LUZP2: variants seen among roughly 807,000 people sequenced by gnomAD.
The protein encoded by LUZP2 is leucine zipper protein 2.
LUZP2 carries 52 observed loss-of-function variants against 51.6 expected under a neutral mutation model. That is an observed-to-expected ratio of 1.01 (90% CI 0.81 to 1.27). The LOEUF (loss-of-function observed/expected upper bound fraction) is 1.27. Among genes scored for constraint, LUZP2 ranks in the 50% most tolerant of loss-of-function variants. The probability of loss-of-function intolerance (pLI) is 0.00; values close to 1 mark genes in which losing one functional copy is unlikely to be tolerated. For missense variants in LUZP2, 436 were observed against 395.4 expected (o/e 1.10, Z -0.87); for synonymous variants, 154 against 137.3 (o/e 1.12, Z -0.85).
chr11:24,575,427 C>T (rs1852611557), intron 1 of LUZP2, among the ~76,000 whole-genome samples: 1 of 152,086 alleles, frequency 6.6e-6, no homozygotes, highest in South Asian at 2.1e-4. Flanking sequence ...TAACAATAAG[C>T]TCACTTAATG....
At chr11:24,874,266 C>A (rs1043125909) in intron 5 of LUZP2, among the ~76,000 whole-genome samples, 1 of 152,130 alleles carries the variant, frequency 6.6e-6, no homozygotes, top group Non-Finnish European at 1.5e-5. Context: ...TCGAGGGCCC[C>A]TGTCAGGTTC....
At chr11:25,017,148 A>G (rs751631903) in intron 9 of LUZP2, among the ~76,000 whole-genome samples, 6 of 152,036 alleles carry the variant, frequency 3.9e-5, no homozygotes, top group East Asian at 1.9e-4. Context: ...GATTTGTTTA[A>G]GTTCCTTGTA....
intron 9 of LUZP2, among the ~76,000 whole-genome samples, chr11:25,013,086 C>T (rs1857028811): frequency 6.6e-6 from 1 of 152,036 alleles, no homozygotes; most frequent in Non-Finnish European, 1.5e-5. Flanking sequence ...ATGGATGAAA[C>T]CGGTTGTCAT....
At chr11:24,815,975 A>G (rs529169637) in intron 5 of LUZP2, among the ~76,000 whole-genome samples, 1 of 145,968 alleles carries the variant, frequency 6.9e-6, no homozygotes, top group East Asian at 2.1e-4. Context: ...GTATTAGTGC[A>G]TCTCTTTCAT....
chr11:24,925,266 A>G (rs537958896), intron 7 of LUZP2, among the ~76,000 whole-genome samples: 2 of 152,236 alleles, frequency 1.3e-5, no homozygotes, highest in East Asian at 1.9e-4. Flanking sequence ...AAGAGAGGAT[A>G]ATGAGGCATG....
intron 9 of LUZP2, among the ~76,000 whole-genome samples, chr11:25,027,863 C>T (rs561884636): frequency 1.2e-5 from 1 of 83,892 alleles, no homozygotes; most frequent in East Asian, 3.9e-4. Context: ...GAACGAAATT[C>T]CGTCTCAAAA....
chr11:24,641,693 C>T (rs1855289553), intron 1 of LUZP2, among the ~76,000 whole-genome samples: 1 of 151,820 alleles, frequency 6.6e-6, no homozygotes, highest in Admixed American at 6.6e-5. Flanking sequence ...CACCTTGCTA[C>T]TTCTAGCTTA....
At chr11:24,590,247 G>C (rs1403063151) in intron 1 of LUZP2, among the ~76,000 whole-genome samples, 10 of 152,058 alleles carry the variant, frequency 6.6e-5, no homozygotes, top group Non-Finnish European at 1.5e-5. Flanking sequence ...TATAAATAAT[G>C]CCTATCAAGT....
chr11:24,733,826 A>G (rs1380782378), intron 3 of LUZP2, among the ~76,000 whole-genome samples: 1 of 151,776 alleles, frequency 6.6e-6, no homozygotes, highest in Admixed American at 6.6e-5. Flanking sequence ...ATCTCAGGTT[A>G]GGAATGGAGA....
chr11:25,051,759 G>A (rs191991151), intron 10 of LUZP2, among the ~76,000 whole-genome samples: 7 of 152,226 alleles, frequency 4.6e-5, no homozygotes, highest in Admixed American at 4.6e-4. Context: ...TAAGGATGGT[G>A]TTTTTATTTC....
chr11:24,858,016 T>C (rs190117279), intron 5 of LUZP2, among the ~76,000 whole-genome samples: 1 of 152,248 alleles, frequency 6.6e-6, no homozygotes, highest in African/African-American at 2.4e-5. Context: ...TTTTTATTTT[T>C]TAATCTGGGA....
chr11:24,931,095 C>A (rs1854433194), intron 7 of LUZP2, among the ~76,000 whole-genome samples: 1 of 151,856 alleles, frequency 6.6e-6, no homozygotes, highest in African/African-American at 2.4e-5. Context: ...CCTGTAATCC[C>A]ACCTACTCGG....
intron 1 of LUZP2, among the ~76,000 whole-genome samples, chr11:24,566,329 T>A (rs1369391565): frequency 7.7e-6 from 1 of 130,026 alleles, no homozygotes; most frequent in Admixed American, 7.7e-5. Flanking sequence ...TTTATTTATT[T>A]TTTTTTTTTT....
At chr11:24,678,565 G>A (rs114983805) in intron 1 of LUZP2, among the ~76,000 whole-genome samples, 2,820 of 152,214 alleles carry the variant, frequency 0.019, 97 homozygotes, top group African/African-American at 0.064. Flanking sequence ...ATTGTGTCTT[G>A]TGTTTTATGT....
At chr11:24,729,979 G>C (rs1858654822) in intron 2 of LUZP2, among the ~76,000 whole-genome samples, 1 of 151,816 alleles carries the variant, frequency 6.6e-6, no homozygotes, top group Non-Finnish European at 1.5e-5. Context: ...AAAGAAGCCA[G>C]AGTTTACATG....
chr11:24,731,876 A>G (rs1370395847), intron 2 of LUZP2, among the ~76,000 whole-genome samples: 2 of 151,732 alleles, frequency 1.3e-5, no homozygotes, highest in African/African-American at 4.8e-5. Flanking sequence ...ATATTTGGAG[A>G]GTAGTTTCTC....
At chr11:24,616,506 T>TGTGTG (rs1854295507) in intron 1 of LUZP2, among the ~76,000 whole-genome samples, 1 of 151,666 alleles carries the variant, frequency 6.6e-6, no homozygotes, top group African/African-American at 2.4e-5. Context: ...TGTGTGTATG[T>TGTGTG]TAATGTTTTG....
chr11:24,741,301 C>A (rs1408109782), intron 4 of LUZP2, among the ~76,000 whole-genome samples: 1 of 151,944 alleles, frequency 6.6e-6, no homozygotes, highest in Non-Finnish European at 1.5e-5. Context: ...TGATCAGGGG[C>A]AACACAGTGA....
chr11:24,552,999 A>G (rs1851764139), intron 1 of LUZP2, among the ~76,000 whole-genome samples: 1 of 151,464 alleles, frequency 6.6e-6, no homozygotes, highest in African/African-American at 2.4e-5. Flanking sequence ...ATATCTAACT[A>G]TATTAAAGAA....
Sources: allele counts gnomAD v4.1 joint callset (sites outside exome capture counted in the v4.1 genomes callset), GRCh38; gene constraint gnomAD v4.1.1; transcripts MANE v1.5; gene names NCBI Gene and HGNC (gene_info 2026-07-23, HGNC 2026-07-21).